Variants in NRXN1 observed in about 807,000 individuals in gnomAD.
NRXN1 encodes the protein neurexin-1.
A neutral mutation model predicts 150.9 loss-of-function variants in NRXN1; 39 were observed. The ratio of observed to expected loss-of-function variants is 0.26; its 90% CI spans 0.20 to 0.34. NRXN1 has a LOEUF of 0.34. Ranked by LOEUF, NRXN1 falls within the 10% of genes least tolerant of loss-of-function variation. The pLI is 1.00. For missense variants in NRXN1, 1,815 were observed against 1,949.9 expected, an observed-to-expected ratio of 0.93 and a Z score of 1.30; for synonymous variants, 924 against 757.0, an observed-to-expected ratio of 1.22 and a Z score of -3.62.
chr2:49,994,553 T>C (rs1682590516), intron 21 of NRXN1, among the ~76,000 whole-genome samples: 1 of 152,118 alleles, frequency 6.6e-6, no homozygotes, highest in African/African-American at 2.4e-5. Flanking sequence ...GTAAGAGTTG[T>C]TGGGAAAAAT....
chr2:50,372,987 C>T (rs1228455920), intron 17 of NRXN1, among the ~76,000 whole-genome samples: 4 of 152,114 alleles, frequency 2.6e-5, no homozygotes, highest in Non-Finnish European at 4.4e-5. Context: ...TTTTTAATGA[C>T]ATCCATTAGC....
intron 8 of NRXN1, among the ~76,000 whole-genome samples, chr2:50,599,431 T>A (rs945175869): frequency 1.3e-5 from 2 of 152,212 alleles, no homozygotes; most frequent in African/African-American, 4.8e-5. Flanking sequence ...GGTTCAATGC[T>A]CAACTATTTT....
intron 17 of NRXN1, among the ~76,000 whole-genome samples, chr2:50,362,592 G>C (rs10194670): frequency 0.25 from 37,759 of 152,044 alleles, 4,963 homozygotes; most frequent in East Asian, 0.43. Flanking sequence ...GGAAATAAGA[G>C]AGGACACAAA....
At chr2:50,421,904 T>C (rs1457718191) in intron 17 of NRXN1, among the ~76,000 whole-genome samples, 1 of 152,104 alleles carries the variant, frequency 6.6e-6, no homozygotes. Context: ...GACCATTGAT[T>C]AAAAAAATAT....
In NRXN1 at chr2:50,880,996, T is replaced by C. The variant is rs550945202; in HGVS notation, c.832+40873A>G. On this transcript the variant is annotated intron_variant, in intron 5 of 22. Transcript: ENST00000401669. ...CAGGACACAGAGAAGTCAAGAGATA[T>C]AGACCAGATTTGGCAGCTAATTTTA... is the stretch of plus-strand genomic sequence containing the variant. Among the ~76,000 whole-genome samples the C allele has an allele frequency of 3.8e-3, 581 of 152,070 alleles. 3 individuals carry two copies. The highest frequency in any genetic ancestry group is 6.8e-3 in the Non-Finnish European group (460 of 67,940).
chr2:50,221,315 G>T (rs985266206), intron 18 of NRXN1, among the ~76,000 whole-genome samples: 4 of 152,020 alleles, frequency 2.6e-5, no homozygotes, highest in Non-Finnish European at 4.4e-5. Context: ...AAATGGGGCT[G>T]CCTGCTGCTC....
intron 5 of NRXN1, among the ~76,000 whole-genome samples, chr2:50,759,206 G>A (rs1320448961): frequency 6.6e-6 from 1 of 151,862 alleles, no homozygotes; most frequent in Non-Finnish European, 1.5e-5. Context: ...ATATTTCAAG[G>A]TAAGAACTAA....
At chr2:50,841,060 C>G (rs1409731247) in intron 5 of NRXN1, 1 of 152,518 alleles carries the variant, frequency 6.6e-6, no homozygotes, top group Admixed American at 6.5e-5. Flanking sequence ...GTTCTACATA[C>G]CATGTTAATG....
intron 18 of NRXN1, among the ~76,000 whole-genome samples, chr2:50,221,813 C>A (rs2063913442): frequency 1.3e-5 from 2 of 151,994 alleles, no homozygotes; most frequent in South Asian, 4.1e-4. Context: ...ATATAATCCA[C>A]CCTCTGAGCT....
At chr2:50,134,440 C>T (rs1223183896) in intron 18 of NRXN1, among the ~76,000 whole-genome samples, 1 of 152,126 alleles carries the variant, frequency 6.6e-6, no homozygotes, top group Non-Finnish European at 1.5e-5. Flanking sequence ...AATGTCTTGG[C>T]ATGCAATGGG....
rs2105336263 is a variant in NRXN1 at position 51,028,379 on chromosome 2, G to A, written c.-106C>T. On this transcript the variant is annotated 5_prime_UTR_variant, in exon 2 of 23. Coordinates refer to ENST00000401669, the MANE Select transcript of NRXN1 (RefSeq NM_001330078.2). ...GGTCCCGAGAGACAGAAAGGTAAGG[G>A]GAAAGGCGGGAGTGAGAGGGATGTG... is the stretch of plus-strand genomic sequence containing the variant. 2 of 716,540 alleles carry A rather than the reference G, an allele frequency of 2.8e-6. No homozygotes were observed. Among genetic ancestry groups the A allele is most frequent in the Non-Finnish European group, 4.2e-6 (2 of 476,520 alleles). The allele number at this position is 716,540 out of a possible 1,614,324, so 44.4% of individuals were successfully genotyped here.
chr2:49,922,335 A>C, intron 22 of NRXN1, 84 bp from the exon 23 acceptor site: 1 of 1,307,184 alleles, frequency 7.7e-7, no homozygotes, highest in Non-Finnish European at 1.1e-6. Context: ...TTTATTATCT[A>C]ATTCTAACAG....
At chr2:50,160,188 AT>A (rs11317693) in intron 18 of NRXN1, among the ~76,000 whole-genome samples, 85,084 of 151,566 alleles carry the variant, frequency 0.56, 24,459 homozygotes, top group Middle Eastern at 0.65. Flanking sequence ...AGGATATATG[AT>A]TTTTTCTTCT....
intron 5 of NRXN1, among the ~76,000 whole-genome samples, chr2:50,632,047 A>G (rs1444576138): frequency 6.6e-6 from 1 of 152,000 alleles, no homozygotes; most frequent in Non-Finnish European, 1.5e-5. Flanking sequence ...TAATAATGTT[A>G]TTATATTCAA....
intron 5 of NRXN1, among the ~76,000 whole-genome samples, chr2:50,812,139 G>A (rs79377966): frequency 0.034 from 5,134 of 151,808 alleles, 298 homozygotes; most frequent in African/African-American, 0.12. Context: ...TTAAACATTT[G>A]GTTTTGTACA....
chr2:50,186,428 AATTC>A (rs1422388204), intron 18 of NRXN1, among the ~76,000 whole-genome samples: 1 of 152,080 alleles, frequency 6.6e-6, no homozygotes, highest in Non-Finnish European at 1.5e-5. Flanking sequence ...CTCAAATATG[AATTC>A]ATTGTGTTCT....
chr2:50,471,356 A>G (rs1020794031), intron 16 of NRXN1, among the ~76,000 whole-genome samples: 3 of 151,816 alleles, frequency 2.0e-5, no homozygotes, highest in African/African-American at 7.3e-5. Flanking sequence ...AACATGAAGC[A>G]TTTGGTTTTC....
intron 5 of NRXN1, among the ~76,000 whole-genome samples, chr2:50,899,081 G>A (rs906406663): frequency 2.0e-5 from 3 of 152,102 alleles, no homozygotes; most frequent in African/African-American, 4.8e-5. Flanking sequence ...GAACTATTCA[G>A]CAGAGACATA....
At chr2:49,962,951 CTAAA>C (rs113862669) in intron 21 of NRXN1, among the ~76,000 whole-genome samples, 58,719 of 148,226 alleles carry the variant, frequency 0.4, 11,876 homozygotes, top group South Asian at 0.52. Context: ...GAGCCTGCCT[CTAAA>C]TAAATAAATA....
Sources: allele counts gnomAD v4.1 joint callset (sites outside exome capture counted in the v4.1 genomes callset), GRCh38; gene constraint gnomAD v4.1.1; transcripts MANE v1.5; gene names NCBI Gene and HGNC (gene_info 2026-07-23, HGNC 2026-07-21).